Variants in MAP3K5 observed in about 807,000 individuals in gnomAD.
The protein encoded by MAP3K5 is ASK-1.
In MAP3K5, 56 loss-of-function variants were observed where a neutral mutation model predicts 158.7. That is an observed-to-expected ratio of 0.35 (90% CI 0.28 to 0.44). The LOEUF (loss-of-function observed/expected upper bound fraction) is 0.44. Ranked by LOEUF, MAP3K5 falls within the 20% of genes least tolerant of loss-of-function variation. The pLI is 1.00. For missense variants in MAP3K5, 1,294 were observed against 1,674.8 expected (o/e 0.77, Z 3.97); for synonymous variants, 579 against 601.7 (o/e 0.96, Z 0.55).
At chr6:136,755,124 T>C (rs141928577) in intron 1 of MAP3K5, among the ~76,000 whole-genome samples, 5 of 152,080 alleles carry the variant, frequency 3.3e-5, no homozygotes, top group South Asian at 2.1e-4. Flanking sequence ...AAGCTGATAA[T>C]GGCATTCTCT....
intron 1 of MAP3K5, among the ~76,000 whole-genome samples, chr6:136,780,517 T>C (rs1221044392): frequency 6.6e-6 from 1 of 152,218 alleles, no homozygotes; most frequent in African/African-American, 2.4e-5. Context: ...GGCATATGTT[T>C]ATATTTGTAG....
At position 136,720,448 on chromosome 6, in the gene MAP3K5, A is replaced by G; in HGVS notation, c.588+2T>C. The G allele has an allele frequency of 6.3e-7, 1 of 1,589,940 alleles. No homozygotes were observed. The highest frequency in any genetic ancestry group is 8.5e-7 in the Non-Finnish European group (1 of 1,170,030). Reference sequence around the variant, plus strand: ...GAAACATTCAGTAAACAAGGGAGGTACCTTCAGTGACTGCAGAGAGTCCGA... The same window carrying G: ...GAAACATTCAGTAAACAAGGGAGGTGCCTTCAGTGACTGCAGAGAGTCCGA... On this transcript the variant is annotated splice_donor_variant, in intron 2 of 29. Coordinates refer to ENST00000359015, the MANE Select transcript of MAP3K5 (RefSeq NM_005923.4). LOFTEE classifies it high-confidence loss of function.
In MAP3K5 at chr6:136,641,149, C is replaced by T. The variant is rs550081897; in HGVS notation, c.1838+1371G>A. 7.2e-5 allele frequency among the ~76,000 whole-genome samples: 11 copies of T among 152,216 alleles called. No homozygotes were observed. The East Asian group carries it at 1.9e-3, about 27-fold the overall frequency. On this transcript the variant is annotated intron_variant, in intron 12 of 29. Coordinates refer to ENST00000359015, the MANE Select transcript of MAP3K5 (RefSeq NM_005923.4). ...CTTTAAAAATTAAATATTAAGAGTA[C>T]AGTTTTATTTGAGAAAGTATCGACT...
chr6:136,561,520 C>T lies in MAP3K5; in HGVS notation c.3987+13G>A. ...AGTGAAAGAATACTTGTCCCACAGA[C>T]AGTTTTCTTTACCCGGCTTATAGTG... is the stretch of plus-strand genomic sequence containing the variant. On this transcript the variant is annotated intron_variant, in intron 28 of 29. Coordinates refer to ENST00000359015, the MANE Select transcript of MAP3K5 (RefSeq NM_005923.4). 1.9e-6 allele frequency: 3 copies of T among 1,561,750 alleles called. No homozygotes were observed. The highest frequency in any genetic ancestry group is 2.6e-6 in the Non-Finnish European group (3 of 1,132,748).
At chr6:136,708,254 T>C (rs1416256145) in intron 2 of MAP3K5, among the ~76,000 whole-genome samples, 2 of 149,442 alleles carry the variant, frequency 1.3e-5, no homozygotes, top group Non-Finnish European at 3.0e-5. Context: ...TTAGTATTAA[T>C]TATTTTTTTT....
rs953328386 is a variant in MAP3K5 at position 136,694,365 on chromosome 6, A to T, written c.1083-55T>A. The T allele has an allele frequency of 1.2e-5, 17 of 1,392,266 alleles. No homozygotes were observed. The African/African-American group carries it at 1.3e-4, about 11-fold the overall frequency. 86.2% of individuals were successfully genotyped at this position (1,392,266 alleles called of 1,614,324 possible). On this transcript the variant is annotated intron_variant, in intron 6 of 29. Coordinates refer to ENST00000359015, the MANE Select transcript of MAP3K5 (RefSeq NM_005923.4). ...TACATTACAGAAGCAATATAGATCAATTCTTTTTTAAAAACCCTATTTAAC... is the reference window on the plus strand; with the variant it reads ...TACATTACAGAAGCAATATAGATCATTTCTTTTTTAAAAACCCTATTTAAC...
chr6:136,575,587 C>T (rs547807163), intron 25 of MAP3K5, among the ~76,000 whole-genome samples: 1 of 152,320 alleles, frequency 6.6e-6, no homozygotes, highest in South Asian at 2.1e-4. Context: ...TTAGTCTCTT[C>T]CAGTATGTAA....
chr6:136,572,469 C>T (rs1308053121), intron 25 of MAP3K5, among the ~76,000 whole-genome samples: 1 of 152,144 alleles, frequency 6.6e-6, no homozygotes, highest in African/African-American at 2.4e-5. Flanking sequence ...ATTGGTCAGG[C>T]TGGTCTCAAA....
In MAP3K5 at chr6:136,557,736, C is replaced by A. The variant is rs377633516; in HGVS notation, c.*22G>T. On this transcript the variant is annotated 3_prime_UTR_variant, in exon 30 of 30. Coordinates refer to ENST00000359015, the MANE Select transcript of MAP3K5 (RefSeq NM_005923.4). ...CTGTATTAATTTTTAGAATTTCCAT[C>A]GAAGATTAGATTGAGCAACAGTCAA... 1.9e-6 allele frequency: 3 copies of A among 1,586,878 alleles called. No individual in the cohort carries two copies. The highest frequency in any genetic ancestry group is 2.6e-6 in the Non-Finnish European group (3 of 1,155,620).
intron 10 of MAP3K5, among the ~76,000 whole-genome samples, chr6:136,653,228 A>G (rs1283524754): frequency 6.6e-6 from 1 of 152,216 alleles, no homozygotes; most frequent in East Asian, 1.9e-4. Flanking sequence ...GGTAAGAAAA[A>G]AGAATAAATT....
chr6:136,610,615 A>AC (rs1776291511), intron 18 of MAP3K5, among the ~76,000 whole-genome samples: 1 of 151,708 alleles, frequency 6.6e-6, no homozygotes, highest in South Asian at 2.1e-4. Flanking sequence ...AAAAAAAAAA[A>AC]ATCTTGCTAG....
At chr6:136,569,108 C>A (rs1774251499) in intron 25 of MAP3K5, among the ~76,000 whole-genome samples, 1 of 152,258 alleles carries the variant, frequency 6.6e-6, no homozygotes, top group Non-Finnish European at 1.5e-5. Context: ...ACAAAACAGA[C>A]TCTTTGTAGC....
At chr6:136,654,682 G>A (rs769480699) in intron 10 of MAP3K5, among the ~76,000 whole-genome samples, 5 of 152,150 alleles carry the variant, frequency 3.3e-5, no homozygotes, top group African/African-American at 9.7e-5. Context: ...CCAACCTCAG[G>A]TGATCCGCCC....
chr6:136,671,025 T>C (rs868618635), intron 7 of MAP3K5, among the ~76,000 whole-genome samples: 13 of 152,224 alleles, frequency 8.5e-5, no homozygotes, highest in South Asian at 2.1e-4. Flanking sequence ...AAGTTCTTTG[T>C]CTTTGTTCAG....
chr6:136,591,873 T>C (rs767827641), intron 23 of MAP3K5, among the ~76,000 whole-genome samples: 2 of 152,184 alleles, frequency 1.3e-5, no homozygotes, highest in Non-Finnish European at 2.9e-5. Flanking sequence ...AATAAACAAA[T>C]GAATGAAGAG....
chr6:136,749,397 T>C (rs1303679192), intron 1 of MAP3K5, among the ~76,000 whole-genome samples: 1 of 149,788 alleles, frequency 6.7e-6, no homozygotes, highest in Admixed American at 6.7e-5. Context: ...AAAGGAATTA[T>C]GAGGGCTCCA....
chr6:136,731,052 T>C (rs991802330), intron 1 of MAP3K5, among the ~76,000 whole-genome samples: 16 of 152,098 alleles, frequency 1.1e-4, no homozygotes, highest in African/African-American at 3.9e-4. Flanking sequence ...GGAGGAGGAA[T>C]CCAGATACAA....
At chr6:136,780,409 T>C (rs938649678) in intron 1 of MAP3K5, among the ~76,000 whole-genome samples, 2 of 152,254 alleles carry the variant, frequency 1.3e-5, no homozygotes, top group African/African-American at 4.8e-5. Context: ...CCTGATTTTG[T>C]ATGTATGTAT....
rs201687912 is a variant in MAP3K5 at position 136,557,868 on chromosome 6, T to C, written c.4065-50A>G. 459 of 1,244,872 alleles carry C rather than the reference T, an allele frequency of 3.7e-4. 1 individual carries two copies. The highest frequency in any genetic ancestry group is 8.6e-4 in the East Asian group (37 of 43,232). The allele number at this position is 1,244,872 out of a possible 1,614,324, so 77.1% of individuals were successfully genotyped here. A position where few individuals can be genotyped will look rare whatever the true frequency, so the allele number is the denominator to read the frequency against. On this transcript the variant is annotated intron_variant, in intron 29 of 29. Coordinates refer to ENST00000359015, the MANE Select transcript of MAP3K5 (RefSeq NM_005923.4). ...TGAAACGAACATTTCATTTGAAACA[T>C]TGCCCTTGAAATAGAAAAGTGACTT...
Sources: gnomAD v4.1 joint callset for allele counts (sites outside exome capture counted in the v4.1 genomes callset) on GRCh38, gnomAD v4.1.1 for gene constraint, MANE v1.5 for transcripts, NCBI Gene and HGNC (gene_info 2026-07-23, HGNC 2026-07-21) for gene names.